Variants in CSN3 observed in about 807,000 individuals in gnomAD.
The protein encoded by CSN3 is kappa-casein.
CSN3 carries 7 observed loss-of-function variants against 9.9 expected under a neutral mutation model. The ratio of observed to expected loss-of-function variants is 0.71; its 90% CI spans 0.40 to 1.33. CSN3 has a LOEUF of 1.33. CSN3 is among the 40% of genes most tolerant of loss of function. The pLI is 0.01. For missense variants in CSN3, 253 were observed against 227.9 expected (o/e 1.11, Z -0.71); for synonymous variants, 88 against 82.3 (o/e 1.07, Z -0.37).
rs150764356 is a variant in CSN3 at position 70,243,947 on chromosome 4, C to G, written c.-8-865C>G. 3.1e-4 allele frequency among the ~76,000 whole-genome samples: 47 copies of G among 152,198 alleles called. No individual in the cohort carries two copies. The East Asian group carries it at 8.5e-3, about 28-fold the overall frequency. On this transcript the variant is annotated intron_variant, in intron 1 of 4. Coordinates refer to ENST00000304954, the Ensembl canonical transcript of CSN3. ...AAGAAAACAGTCTCATAACCCTCCACTTCCCATTCCATCCTACATACTTCT... is the reference window on the plus strand; with the variant it reads ...AAGAAAACAGTCTCATAACCCTCCAGTTCCCATTCCATCCTACATACTTCT...
At chr4:70,247,322 G>T (rs1361376386) in intron 2 of CSN3, among the ~76,000 whole-genome samples, 1 of 152,066 alleles carries the variant, frequency 6.6e-6, no homozygotes, top group East Asian at 1.9e-4. Flanking sequence ...ACAAATGAAA[G>T]ATGGTATTAA....
chr4:70,247,962 T>C, intron 3 of CSN3, 112 bp downstream of exon 3: 1 of 648,858 alleles, frequency 1.5e-6, no homozygotes, highest in East Asian at 3.2e-5. Flanking sequence ...TTCATTTCCA[T>C]AAAACAATCT....
chr4:70,244,180 T>C (rs549855766), intron 1 of CSN3, among the ~76,000 whole-genome samples: 2 of 152,224 alleles, frequency 1.3e-5, no homozygotes, highest in South Asian at 4.1e-4. Context: ...TTTTCTGTTG[T>C]TTATAAAGCC....
chr4:70,243,615 G>C (rs1292878188), intron 1 of CSN3, among the ~76,000 whole-genome samples: 1 of 151,996 alleles, frequency 6.6e-6, no homozygotes, highest in Non-Finnish European at 1.5e-5. Flanking sequence ...ACTTTGTAGT[G>C]ATTCAAGTTT....
At chr4:70,241,828 G>A (rs974397414), upstream of CSN3, among the ~76,000 whole-genome samples, 6 of 151,894 alleles carry the variant, frequency 4.0e-5, no homozygotes, top group African/African-American at 1.5e-4. Flanking sequence ...TAAGTATGTA[G>A]TCAATGCATA....
At chr4:70,250,200 T>C (rs1310249917) in intron 4 of CSN3, among the ~76,000 whole-genome samples, 1 of 152,188 alleles carries the variant, frequency 6.6e-6, no homozygotes, top group Middle Eastern at 3.2e-3. Flanking sequence ...ATGAGAAGAA[T>C]TTAAACAAAG....
intron 2 of CSN3, 75 bp from the exon 3 acceptor site, chr4:70,247,743 T>G (rs1730407850): frequency 8.0e-7 from 1 of 1,244,296 alleles, no homozygotes; most frequent in Non-Finnish European, 1.1e-6. Flanking sequence ...ACAAAAGATT[T>G]TTTTAACTGA....
chr4:70,249,582 T>C, intron 4 of CSN3, 89 bp downstream of exon 4: 1 of 815,516 alleles, frequency 1.2e-6, no homozygotes, highest in South Asian at 1.8e-5. Flanking sequence ...TACAAATAGA[T>C]AAACTAAGTG....
upstream of CSN3, among the ~76,000 whole-genome samples, chr4:70,242,082 G>A (rs911055243): frequency 5.9e-5 from 9 of 151,878 alleles, no homozygotes; most frequent in Non-Finnish European, 8.8e-5. Context: ...ATTAAAATGT[G>A]AAAGTATTGT....
chr4:70,243,721 C>G lies in CSN3; in HGVS notation c.-9+1056C>G, dbSNP rs554038967. The stretch of plus-strand genomic sequence containing the variant: ...CTTAAATATAAAAAGTTTGGGGTAT[C>G]ATATATTATTAGTCTAAAAAGATGA... On this transcript the variant is annotated intron_variant, in intron 1 of 4. Coordinates refer to ENST00000304954, the Ensembl canonical transcript of CSN3. 3.9e-5 allele frequency among the ~76,000 whole-genome samples: 6 copies of G among 152,026 alleles called. No individual in the cohort carries two copies. In the South Asian group the frequency reaches 1.2e-3, roughly 32 times the overall value.
chr4:70,240,415 C>T (rs932790732), upstream of CSN3, among the ~76,000 whole-genome samples: 3 of 151,916 alleles, frequency 2.0e-5, no homozygotes, highest in Non-Finnish European at 4.4e-5. Flanking sequence ...CAGGGACATT[C>T]CAGAATCAGG....
chr4:70,248,485 C>A (rs1560497248), intron 3 of CSN3, among the ~76,000 whole-genome samples: 1 of 152,100 alleles, frequency 6.6e-6, no homozygotes, highest in Non-Finnish European at 1.5e-5. Flanking sequence ...CATTATGTTA[C>A]TATTCTGCTA....
intron 2 of CSN3, 46 bp from the exon 3 acceptor site, chr4:70,247,770 TTC>T: frequency 6.7e-7 from 1 of 1,497,186 alleles, no homozygotes; most frequent in Non-Finnish European, 9.1e-7. Context: ...TACTTTTTTT[TTC>T]TTTTTTAACT....
chr4:70,249,587 T>A, intron 4 of CSN3, 94 bp downstream of exon 4: 1 of 790,932 alleles, frequency 1.3e-6, no homozygotes, highest in Non-Finnish European at 2.0e-6. Flanking sequence ...ATAGATAAAC[T>A]AAGTGTGTTA....
chr4:70,240,916 AATGGGTGACACC>A (rs1730260160), upstream of CSN3, among the ~76,000 whole-genome samples: 2 of 152,020 alleles, frequency 1.3e-5, no homozygotes, highest in African/African-American at 4.8e-5. Flanking sequence ...ATTTGAAGTG[AATGGGTGACACC>A]ATGGTAAACA....
intron 1 of CSN3, among the ~76,000 whole-genome samples, chr4:70,244,358 C>A (rs558296035): frequency 6.6e-5 from 10 of 152,056 alleles, no homozygotes; most frequent in African/African-American, 2.4e-4. Context: ...CTGTTAAATA[C>A]TGCATAGGCA....
intron 3 of CSN3, among the ~76,000 whole-genome samples, chr4:70,248,723 G>A (rs991781563): frequency 7.7e-4 from 116 of 151,430 alleles, no homozygotes; most frequent in Non-Finnish European, 1.3e-4. Flanking sequence ...CCAATCTCTG[G>A]GCAATATGGT....
intron 2 of CSN3, 102 bp from the exon 3 acceptor site, chr4:70,247,716 C>T (rs1352340901): frequency 2.1e-6 from 2 of 963,108 alleles, no homozygotes; most frequent in Non-Finnish European, 3.1e-6. Context: ...AAAAAGAAAA[C>T]ATATTTTGTC....
chr4:70,248,365 A>G (rs1243721730), intron 3 of CSN3, among the ~76,000 whole-genome samples: 1 of 152,172 alleles, frequency 6.6e-6, no homozygotes, highest in Non-Finnish European at 1.5e-5. Context: ...TCTACTGACA[A>G]ATTTTTAAAC....
Sources: gnomAD v4.1 joint callset for allele counts (sites outside exome capture counted in the v4.1 genomes callset) on GRCh38, gnomAD v4.1.1 for gene constraint, MANE v1.5 for transcripts, NCBI Gene and HGNC (gene_info 2026-07-23, HGNC 2026-07-21) for gene names.